PPARGC1A: variants seen among roughly 807,000 people sequenced by gnomAD.
The protein encoded by PPARGC1A is peroxisome proliferator-activated receptor gamma coactivator 1-alpha.
In PPARGC1A, 25 loss-of-function variants were observed where a neutral mutation model predicts 88.7. The observed-to-expected ratio is 0.28, with a 90% CI of 0.21 to 0.39. The LOEUF is 0.39. Ranked by LOEUF, PPARGC1A falls within the 10% of genes least tolerant of loss-of-function variation. PPARGC1A has a pLI of 1.00. For missense variants in PPARGC1A, 880 were observed against 968.7 expected (o/e 0.91, Z 1.22); for synonymous variants, 363 against 355.6 (o/e 1.02, Z -0.24).
chr4:24,222,195 A>T, the PPARGC1A span, among the ~76,000 whole-genome samples: 1 of 152,246 alleles, frequency 6.6e-6, no homozygotes, highest in Non-Finnish European at 1.5e-5. Context: ...TCCTAGAGGC[A>T]GAGTGAAGCT....
At chr4:24,189,231 C>G in the PPARGC1A span, among the ~76,000 whole-genome samples, 1 of 152,028 alleles carries the variant, frequency 6.6e-6, no homozygotes, top group Non-Finnish European at 1.5e-5. Context: ...TGGATGGTGG[C>G]TGCAAAAATT....
the PPARGC1A span, among the ~76,000 whole-genome samples, chr4:24,220,186 C>G: frequency 6.6e-6 from 1 of 152,288 alleles, no homozygotes; most frequent in South Asian, 2.1e-4. Flanking sequence ...CCATCTCACA[C>G]CAGTCAGAAT....
chr4:24,206,747 G>A, the PPARGC1A span, among the ~76,000 whole-genome samples: 155 of 148,006 alleles, frequency 1.0e-3, no homozygotes, highest in South Asian at 3.8e-3. Context: ...GGCTGAGGCA[G>A]AAGAATCTCT....
chr4:24,092,265 A>G, the PPARGC1A span, among the ~76,000 whole-genome samples: 5 of 152,084 alleles, frequency 3.3e-5, no homozygotes, highest in African/African-American at 1.2e-4. Flanking sequence ...CTAAATCAGT[A>G]TACGAAATGA....
chr4:23,926,379 T>C, the PPARGC1A span, among the ~76,000 whole-genome samples: 1 of 152,170 alleles, frequency 6.6e-6, no homozygotes, highest in South Asian at 2.1e-4. Context: ...AATACACTCA[T>C]CCCCTTCAAT....
At chr4:24,325,580 C>T in the PPARGC1A span, among the ~76,000 whole-genome samples, 3 of 152,274 alleles carry the variant, frequency 2.0e-5, no homozygotes, top group Admixed American at 6.5e-5. Flanking sequence ...CACTGGAAAT[C>T]GGACTGTTCA....
the PPARGC1A span, chr4:24,091,696 G>T: frequency 1.0e-6 from 1 of 954,704 alleles, no homozygotes; most frequent in Non-Finnish European, 1.2e-6. Context: ...ACCCACCGGG[G>T]AACAAATTTG....
the PPARGC1A span, among the ~76,000 whole-genome samples, chr4:23,963,949 C>T: frequency 2.0e-5 from 3 of 152,112 alleles, no homozygotes; most frequent in Admixed American, 6.6e-5. Context: ...GAGAACACAG[C>T]AGATGGAGGT....
the PPARGC1A span, among the ~76,000 whole-genome samples, chr4:23,938,945 G>T: frequency 2.0e-5 from 3 of 152,154 alleles, no homozygotes; most frequent in East Asian, 5.8e-4. Flanking sequence ...TGCTCCCTTG[G>T]TGTCAGGGAG....
chr4:24,404,831 A>C, the PPARGC1A span, among the ~76,000 whole-genome samples: 1 of 152,218 alleles, frequency 6.6e-6, no homozygotes, highest in Non-Finnish European at 1.5e-5. Flanking sequence ...AATATTGTCA[A>C]ATTCAAGCAA....
chr4:24,374,826 T>C, the PPARGC1A span, among the ~76,000 whole-genome samples: 1 of 152,094 alleles, frequency 6.6e-6, no homozygotes, highest in Non-Finnish European at 1.5e-5. Context: ...ATTTGAGGAA[T>C]TGCCAGACTA....
chr4:24,337,557 G>A, the PPARGC1A span, among the ~76,000 whole-genome samples: 2 of 152,204 alleles, frequency 1.3e-5, no homozygotes, highest in African/African-American at 2.4e-5. Flanking sequence ...CCTACTGAGC[G>A]TGGGGAGATG....
the PPARGC1A span, among the ~76,000 whole-genome samples, chr4:24,431,523 G>A: frequency 2.0e-5 from 3 of 152,130 alleles, no homozygotes; most frequent in Non-Finnish European, 4.4e-5. Flanking sequence ...CTCTTAGAGG[G>A]TCAGGTGTTA....
At chr4:24,363,201 G>A in the PPARGC1A span, among the ~76,000 whole-genome samples, 7 of 152,220 alleles carry the variant, frequency 4.6e-5, no homozygotes, top group South Asian at 2.1e-4. Flanking sequence ...TATTTGTTCC[G>A]GTTATAGAAC....
the PPARGC1A span, among the ~76,000 whole-genome samples, chr4:24,172,630 A>G: frequency 6.6e-6 from 1 of 152,212 alleles, no homozygotes; most frequent in Non-Finnish European, 1.5e-5. Flanking sequence ...TGAATGTGAA[A>G]GTGAATGCCT....
chr4:24,403,480 C>A, the PPARGC1A span, among the ~76,000 whole-genome samples: 1 of 152,212 alleles, frequency 6.6e-6, no homozygotes, highest in African/African-American at 2.4e-5. Flanking sequence ...TTTAGAATTG[C>A]AGAATTGCAG....
intron 10 of PPARGC1A, among the ~76,000 whole-genome samples, chr4:23,806,291 A>G (rs1456122417): frequency 6.6e-6 from 1 of 152,238 alleles, no homozygotes; most frequent in Non-Finnish European, 1.5e-5. Flanking sequence ...AGCAAAGACA[A>G]AAATCTTTCT....
At chr4:24,465,491 G>A in the PPARGC1A span, among the ~76,000 whole-genome samples, 7 of 152,034 alleles carry the variant, frequency 4.6e-5, no homozygotes, top group East Asian at 9.6e-4. Context: ...TTACCTCTTC[G>A]CTGGCAAAGT....
At chr4:24,081,087 T>C in the PPARGC1A span, among the ~76,000 whole-genome samples, 1 of 152,146 alleles carries the variant, frequency 6.6e-6, no homozygotes, top group Non-Finnish European at 1.5e-5. Context: ...TTCCTCATAG[T>C]TCTTCAAGTT....
Sources: allele counts gnomAD v4.1 joint callset (sites outside exome capture counted in the v4.1 genomes callset), GRCh38; gene constraint gnomAD v4.1.1; transcripts MANE v1.5; gene names NCBI Gene and HGNC (gene_info 2026-07-23, HGNC 2026-07-21).